The following POF1B variants were observed in gnomAD, a reference collection of about 807,000 sequenced individuals.
POF1B encodes the protein protein POF1B.
Under a neutral mutation model 55.3 loss-of-function variants are expected in POF1B, and 53 were observed. That is an observed-to-expected ratio of 0.96 (90% confidence interval 0.77 to 1.20). The LOEUF is 1.20. Ranked by LOEUF, POF1B falls within the 50% of genes most tolerant of loss-of-function variation. POF1B has a pLI of 0.00. For missense variants in POF1B, 478 were observed against 420.5 expected (o/e 1.14, Z -1.20); for synonymous variants, 188 against 148.3 (o/e 1.27, Z -1.95).
chrX:85,322,665 G>C (rs1280779597), intron 7 of POF1B, among the ~76,000 whole-genome samples: 1 of 111,306 alleles, frequency 9.0e-6, no homozygotes, highest in African/African-American at 3.3e-5. Context: ...GCAACCTACA[G>C]AATGGGAGAA....
chrX:85,314,282 C>T (rs770246601), intron 9 of POF1B, 150 bp downstream of exon 9: 58 of 411,463 alleles, frequency 1.4e-4, no homozygotes, highest in Non-Finnish European at 2.2e-4. Context: ...TCTCACCAAA[C>T]TGAAATATAT....
At chrX:85,312,409 C>T (rs1361508449) in intron 9 of POF1B, among the ~76,000 whole-genome samples, 3 of 111,642 alleles carry the variant, frequency 2.7e-5, no homozygotes, top group African/African-American at 9.8e-5. Flanking sequence ...CCAGTTTTCC[C>T]AGCATTATTT....
At chrX:85,319,143 T>C (rs958213323) in intron 7 of POF1B, among the ~76,000 whole-genome samples, 2 of 111,207 alleles carry the variant, frequency 1.8e-5, no homozygotes, top group Admixed American at 1.9e-4. Flanking sequence ...GTGAATGGGA[T>C]TGTGTTTCTG....
chrX:85,330,905 G>A (rs1052440183), intron 7 of POF1B, 44 bp downstream of exon 7: 7 of 1,098,476 alleles, frequency 6.4e-6, no homozygotes, highest in African/African-American at 1.9e-5. Context: ...GTTGTAAAAT[G>A]TTTGGTAGCT....
intron 7 of POF1B, among the ~76,000 whole-genome samples, chrX:85,321,173 T>C (rs1457248378): frequency 9.0e-6 from 1 of 111,550 alleles, no homozygotes; most frequent in Non-Finnish European, 1.9e-5. Flanking sequence ...CCTTGATGAA[T>C]ATTAATGCAA....
intron 7 of POF1B, 110 bp downstream of exon 7, chrX:85,330,839 T>C: frequency 1.4e-6 from 1 of 718,031 alleles, no homozygotes; most frequent in Non-Finnish European, 1.9e-6. Context: ...AAATAGAAAG[T>C]ACTAGAGTTT....
At chrX:85,287,932 A>G (rs1446416994) in intron 15 of POF1B, among the ~76,000 whole-genome samples, 1 of 111,817 alleles carries the variant, frequency 8.9e-6, no homozygotes, top group Non-Finnish European at 1.9e-5. Flanking sequence ...GTTTGGTTTA[A>G]TATTCAAAAA....
In POF1B at chrX:85,314,309, G is replaced by T. The variant is rs1224098286; in HGVS notation, c.957+123C>A. ...GAAATATATCCCTTGTCTAACCAAAGAATCCTCAACTCTTAGGAAATAAGA... is the reference window on the plus strand; with the variant it reads ...GAAATATATCCCTTGTCTAACCAAATAATCCTCAACTCTTAGGAAATAAGA... On this transcript the variant is annotated intron_variant, in intron 9 of 16. Transcript: ENST00000262753. 7.8e-6 allele frequency: 4 copies of T among 511,931 alleles called. No homozygotes were observed. In the East Asian group the frequency reaches 1.7e-4, roughly 22 times the overall value. The allele number at this position is 511,931 out of a possible 1,213,427, so 42.2% of individuals were successfully genotyped here.
chrX:85,335,296 C>T (rs1443305219), intron 6 of POF1B, among the ~76,000 whole-genome samples: 3 of 111,185 alleles, frequency 2.7e-5, no homozygotes, highest in Non-Finnish European at 3.8e-5. Context: ...AATGGAAAAC[C>T]TCACTATTAG....
chrX:85,296,582 TGTAA>T lies in POF1B; in HGVS notation c.1649+6820_1649+6823del, dbSNP rs1449032744. 2.7e-5 allele frequency among the ~76,000 whole-genome samples: 3 copies of T among 112,134 alleles called. No homozygotes were observed. The Admixed American group carries it at 2.8e-4, about 11-fold the overall frequency. ...TATAGAACCACAATCTTTTCTGGCT[TGTAA>T]GTTTTCTGACTAGAGGTCTTCTTCT... is the stretch of plus-strand genomic sequence containing the variant. On this transcript the variant is annotated intron_variant, in intron 15 of 16. Transcript: ENST00000262753.
chrX:85,323,961 T>G (rs1447201950), intron 7 of POF1B, among the ~76,000 whole-genome samples: 1 of 112,394 alleles, frequency 8.9e-6, no homozygotes, highest in East Asian at 2.8e-4. Flanking sequence ...TCTGGCTTAA[T>G]TTCATTATTT....
intron 9 of POF1B, among the ~76,000 whole-genome samples, chrX:85,313,826 TC>T (rs1932758133): frequency 1.8e-5 from 2 of 110,430 alleles, no homozygotes; most frequent in South Asian, 7.5e-4. Flanking sequence ...TTTTCTTTTT[TC>T]TTTTTTTTTG....
chrX:85,282,689 C>T (rs1278030039), intron 15 of POF1B, among the ~76,000 whole-genome samples: 1 of 110,320 alleles, frequency 9.1e-6, no homozygotes, highest in African/African-American at 3.3e-5. Context: ...AGCAGTCTCA[C>T]CAAGATAAGG....
intron 4 of POF1B, among the ~76,000 whole-genome samples, chrX:85,352,026 G>A (rs1248490407): frequency 9.1e-6 from 1 of 110,469 alleles, no homozygotes; most frequent in Non-Finnish European, 1.9e-5. Context: ...GAGCAGAGTA[G>A]AGGCTTTAAG....
chrX:85,350,039 T>A (rs1262578649), intron 5 of POF1B, among the ~76,000 whole-genome samples: 3 of 110,539 alleles, frequency 2.7e-5, no homozygotes, highest in Admixed American at 9.7e-5. Flanking sequence ...CAGTTTTTTT[T>A]ATTATTATTA....
Position 85,307,286 on chromosome X carries a change from T to A in POF1B, c.1051-10A>T. ...TGTCATTTTCCAGTGACTAGAAGCA[T>A]AAATTATTTATTATGATTCAGAATT... On this transcript the variant is annotated splice_polypyrimidine_tract_variant and intron_variant, in intron 10 of 16. Transcript: ENST00000262753. 3 of 1,110,391 alleles carry A rather than the reference T, an allele frequency of 2.7e-6. No individual in the cohort carries two copies. Among genetic ancestry groups the A allele is most frequent in the Non-Finnish European group, 3.7e-6 (3 of 817,813 alleles). The allele number at this position is 1,110,391 out of a possible 1,213,427, so 91.5% of individuals were successfully genotyped here.
At chrX:85,334,039 A>G (rs1285032289) in intron 6 of POF1B, among the ~76,000 whole-genome samples, 1 of 111,080 alleles carries the variant, frequency 9.0e-6, no homozygotes, top group Non-Finnish European at 1.9e-5. Context: ...TTTCCTAACC[A>G]TAAACTGTGT....
At chrX:85,368,270 C>T (rs1933763219) in intron 2 of POF1B, among the ~76,000 whole-genome samples, 1 of 110,958 alleles carries the variant, frequency 9.0e-6, no homozygotes, top group African/African-American at 3.3e-5. Context: ...AATAATTTCT[C>T]ATAAAATGAT....
intron 2 of POF1B, among the ~76,000 whole-genome samples, chrX:85,374,451 A>G (rs1419418523): frequency 1.8e-5 from 2 of 112,439 alleles, no homozygotes; most frequent in African/African-American, 6.4e-5. Context: ...CATAGAGAAT[A>G]TTACATACGT....
Sources: gnomAD v4.1 joint callset for allele counts (sites outside exome capture counted in the v4.1 genomes callset) on GRCh38, gnomAD v4.1.1 for gene constraint, MANE v1.5 for transcripts, NCBI Gene and HGNC (gene_info 2026-07-23, HGNC 2026-07-21) for gene names.